WIPF2: variants seen among roughly 807,000 people sequenced by gnomAD.
WIPF2 encodes the protein WAS/WASL-interacting protein family member 2.
A neutral mutation model predicts 38.8 loss-of-function variants in WIPF2; 23 were observed. The observed-to-expected ratio is 0.59, with a 90% CI of 0.43 to 0.84. The LOEUF is 0.84. Among genes scored for constraint, WIPF2 ranks in the 40% least tolerant of loss-of-function variants. The pLI is 0.00. For synonymous variants in WIPF2, 210 were observed against 223.2 expected, an observed-to-expected ratio of 0.94 and a Z score of 0.53; for missense variants, 574 against 580.5, an observed-to-expected ratio of 0.99 and a Z score of 0.11.
chr17:40,236,466 T>C (rs2030973184), intron 1 of WIPF2, among the ~76,000 whole-genome samples: 2 of 148,218 alleles, frequency 1.3e-5, no homozygotes, highest in Admixed American at 6.8e-5. Flanking sequence ...GCCTCCCGAG[T>C]AGCTGGAACT....
At chr17:40,241,730 T>C (rs76277587) in intron 1 of WIPF2, among the ~76,000 whole-genome samples, 6,493 of 152,212 alleles carry the variant, frequency 0.043, 222 homozygotes, top group Non-Finnish European at 0.066. Flanking sequence ...TGCAGCGTCA[T>C]TTTTGGAGAT....
rs1350178115 is a variant in WIPF2, at chr17:40,281,287, GA to G, written c.*3067del. On this transcript the variant is annotated 3_prime_UTR_variant, in exon 8 of 8. Transcript: ENST00000323571. ...GTTTTGTGATGTTTTTCCCTAATGG[GA>G]AAAACGTTATAGTTGTTTCTTACTG... The G allele has an allele frequency of 1.3e-5, 2 of 152,054 alleles. No individual in the cohort carries two copies. The highest frequency in any genetic ancestry group is 3.9e-4 in the East Asian group (2 of 5,186). The allele number at this position is 152,054 out of a possible 1,614,324, so 9.4% of individuals were successfully genotyped here.
chr17:40,261,557 C>CAA (rs1032021580), intron 3 of WIPF2, among the ~76,000 whole-genome samples: 34 of 152,050 alleles, frequency 2.2e-4, no homozygotes, highest in Admixed American at 1.5e-3. Flanking sequence ...CTCAGCCTCT[C>CAA]AAAGTGCTGG....
chr17:40,230,756 CT>C, intron 1 of WIPF2, among the ~76,000 whole-genome samples: 1 of 152,070 alleles, frequency 6.6e-6, no homozygotes, highest in East Asian at 1.9e-4. Flanking sequence ...AAAGAAAAAA[CT>C]TATTTACTGT....
chr17:40,248,422 G>A (rs2031447092), intron 1 of WIPF2, among the ~76,000 whole-genome samples: 1 of 152,082 alleles, frequency 6.6e-6, no homozygotes, highest in Non-Finnish European at 1.5e-5. Flanking sequence ...GTCCGCCTCG[G>A]CCTCCCAAAG....
At chr17:40,235,223 A>G (rs1381084569) in intron 1 of WIPF2, among the ~76,000 whole-genome samples, 2 of 152,230 alleles carry the variant, frequency 1.3e-5, no homozygotes, top group Middle Eastern at 3.4e-3. Flanking sequence ...TGTTGGTAGA[A>G]TTTAAACCAC....
At chr17:40,223,234 C>T (rs2030329114) in intron 1 of WIPF2, among the ~76,000 whole-genome samples, 1 of 151,972 alleles carries the variant, frequency 6.6e-6, no homozygotes, top group Middle Eastern at 3.4e-3. Context: ...ACCTCTGTCT[C>T]CTGGGTTCAA....
intron 5 of WIPF2, among the ~76,000 whole-genome samples, chr17:40,267,131 G>A (rs1408872917): frequency 2.0e-5 from 3 of 152,094 alleles, no homozygotes; most frequent in Non-Finnish European, 2.9e-5. Flanking sequence ...CACGCGAAGG[G>A]CCCACTTGAG....
At chr17:40,270,884 G>T (rs547778205) in intron 5 of WIPF2, among the ~76,000 whole-genome samples, 20 of 150,478 alleles carry the variant, frequency 1.3e-4, no homozygotes, top group African/African-American at 4.4e-4. Context: ...GTGCCAGATT[G>T]TGTGTGTGTG....
At chr17:40,268,500 T>C (rs1396334134) in intron 5 of WIPF2, among the ~76,000 whole-genome samples, 1 of 152,190 alleles carries the variant, frequency 6.6e-6, no homozygotes, top group Non-Finnish European at 1.5e-5. Context: ...TGAGCACTTT[T>C]AAATGTCTGC....
chr17:40,253,242 T>G (rs1029748706), intron 1 of WIPF2, among the ~76,000 whole-genome samples: 9 of 151,484 alleles, frequency 5.9e-5, no homozygotes, highest in Non-Finnish European at 1.2e-4. Flanking sequence ...TTTTGTATTT[T>G]TAGTAGAGAC....
chr17:40,275,642 C>T (rs191235528), intron 6 of WIPF2, among the ~76,000 whole-genome samples: 2 of 152,256 alleles, frequency 1.3e-5, no homozygotes, highest in African/African-American at 4.8e-5. Flanking sequence ...CGGCTCACCG[C>T]AGTCTCGACC....
chr17:40,246,926 A>G (rs1019620153), intron 1 of WIPF2, among the ~76,000 whole-genome samples: 3 of 151,586 alleles, frequency 2.0e-5, no homozygotes, highest in Non-Finnish European at 2.9e-5. Context: ...TCTGGCCAAC[A>G]TAGTGAAACC....
intron 1 of WIPF2, among the ~76,000 whole-genome samples, chr17:40,255,660 G>T (rs1458618183): frequency 1.6e-4 from 20 of 122,816 alleles, no homozygotes; most frequent in Non-Finnish European, 2.3e-4. Context: ...ACGGAATCTC[G>T]CTCTGTCATC....
chr17:40,251,166 G>A (rs1408238438), intron 1 of WIPF2, among the ~76,000 whole-genome samples: 5 of 151,794 alleles, frequency 3.3e-5, no homozygotes, highest in East Asian at 1.9e-4. Flanking sequence ...CGCCCTCCTC[G>A]GCCTCCCAAA....
At chr17:40,243,144 C>T (rs1298053620) in intron 1 of WIPF2, among the ~76,000 whole-genome samples, 1 of 152,118 alleles carries the variant, frequency 6.6e-6, no homozygotes, top group East Asian at 1.9e-4. Flanking sequence ...CCCATAGTAT[C>T]TAATATTTAC....
chr17:40,272,579 G>A (rs2032281022), intron 5 of WIPF2, among the ~76,000 whole-genome samples: 1 of 152,154 alleles, frequency 6.6e-6, no homozygotes, highest in Non-Finnish European at 1.5e-5. Context: ...GGAGAGCAGA[G>A]GTGGAGGGAC....
chr17:40,233,536 A>G (rs2030835184), intron 1 of WIPF2, among the ~76,000 whole-genome samples: 1 of 150,790 alleles, frequency 6.6e-6, no homozygotes, highest in East Asian at 1.9e-4. Flanking sequence ...GTTGTCCAGG[A>G]TGGCATTGAA....
At chr17:40,271,612 C>G (rs867777569) in intron 5 of WIPF2, among the ~76,000 whole-genome samples, 1 of 152,052 alleles carries the variant, frequency 6.6e-6, no homozygotes, top group Non-Finnish European at 1.5e-5. Context: ...CTGGGAGTTA[C>G]GAAAAGCAGT....
Sources: allele counts gnomAD v4.1 joint callset (sites outside exome capture counted in the v4.1 genomes callset), GRCh38; gene constraint gnomAD v4.1.1; transcripts MANE v1.5; gene names NCBI Gene and HGNC (gene_info 2026-07-23, HGNC 2026-07-21).